The following ZZZ3 variants were observed in gnomAD, a reference collection of about 807,000 sequenced individuals.
The protein encoded by ZZZ3 is ZZ-type zinc finger-containing protein 3.
ZZZ3 carries 22 observed loss-of-function variants against 95.2 expected under a neutral mutation model. That is an observed-to-expected ratio of 0.23 (90% CI 0.17 to 0.33). ZZZ3 has a LOEUF of 0.33. Ranked by LOEUF, ZZZ3 falls within the 10% of genes least tolerant of loss-of-function variation. The pLI, the probability that ZZZ3 is intolerant of heterozygous loss-of-function variation, is 1.00. For synonymous variants in ZZZ3, 335 were observed against 358.9 expected (o/e 0.93, Z 0.75); for missense variants, 885 against 1,066.5 (o/e 0.83, Z 2.37).
At chr1:77,649,610 T>C (rs1047582295) in intron 1 of ZZZ3, among the ~76,000 whole-genome samples, 3 of 152,122 alleles carry the variant, frequency 2.0e-5, no homozygotes, top group Non-Finnish European at 4.4e-5. Flanking sequence ...TGGCCGGGCA[T>C]GGTGGCTCAT....
At chr1:77,673,655 G>T (rs1570673099) in intron 1 of ZZZ3, among the ~76,000 whole-genome samples, 1 of 152,262 alleles carries the variant, frequency 6.6e-6, no homozygotes, top group East Asian at 1.9e-4. Flanking sequence ...GGGTTAATAA[G>T]CAGGTAAGTC....
intron 1 of ZZZ3, among the ~76,000 whole-genome samples, chr1:77,673,159 A>G (rs1671940184): frequency 6.6e-6 from 1 of 152,248 alleles, no homozygotes; most frequent in Non-Finnish European, 1.5e-5. Context: ...TAAGCATATC[A>G]TCCAGGCATA....
intron 5 of ZZZ3, among the ~76,000 whole-genome samples, chr1:77,602,660 C>T (rs1664847347): frequency 7.5e-6 from 1 of 133,692 alleles, no homozygotes; most frequent in Admixed American, 9.0e-5. Flanking sequence ...GGCTGAAGTG[C>T]AATGGCGTGA....
chr1:77,652,329 A>G (rs1159857130), intron 1 of ZZZ3, among the ~76,000 whole-genome samples: 1 of 152,256 alleles, frequency 6.6e-6, no homozygotes, highest in Non-Finnish European at 1.5e-5. Context: ...ACAAATAGCC[A>G]ATAAGCACAT....
chr1:77,655,548 T>C (rs1457416928), intron 1 of ZZZ3, among the ~76,000 whole-genome samples: 1 of 152,166 alleles, frequency 6.6e-6, no homozygotes, highest in Non-Finnish European at 1.5e-5. Context: ...GAGAAATAAA[T>C]GGCTGTTGTT....
At chr1:77,627,739 C>T (rs1432650501) in intron 5 of ZZZ3, among the ~76,000 whole-genome samples, 1 of 152,144 alleles carries the variant, frequency 6.6e-6, no homozygotes, top group Non-Finnish European at 1.5e-5. Flanking sequence ...GGTTCATTAT[C>T]TAGAAACTTA....
chr1:77,584,606 G>C lies in ZZZ3; in HGVS notation c.1555C>G (p.Gln519Glu). 4 of 1,612,338 alleles carry C rather than the reference G, an allele frequency of 2.5e-6. No individual in the cohort carries two copies. The highest frequency in any genetic ancestry group is 3.4e-6 in the Non-Finnish European group (4 of 1,179,338). ...TIAVLEAQRS[Q>E]AVQDLESLGR... The stretch of plus-strand genomic sequence containing the variant: ...AAACTTTCAAGGTCTTGGACTGCTT[G>C]AGAACGCTGAGCCTCGAGTACAGCA... The change falls in exon 6 of 15, where the codon CAA becomes GAA. Residue 519 changes from glutamine (Q) to glutamate (E), a missense_variant. This residue lies in a region of ZZZ3 where 556 missense variants were observed against 652.9 expected (regional missense o/e 0.85). Coordinates refer to ENST00000370801, the MANE Select transcript of ZZZ3 (RefSeq NM_015534.6).
At chr1:77,576,000 A>G in intron 12 of ZZZ3, 68 bp downstream of exon 12, 1 of 1,247,134 alleles carries the variant, frequency 8.0e-7, no homozygotes. Context: ...TGAAGAGTGG[A>G]AATAATTAGA....
At chr1:77,576,464 T>A (rs1661958968) in intron 11 of ZZZ3, among the ~76,000 whole-genome samples, 2 of 152,108 alleles carry the variant, frequency 1.3e-5, no homozygotes, top group South Asian at 4.2e-4. Context: ...ATGTTTAATA[T>A]CTAGCTTATA....
chr1:77,609,533 G>A (rs959115350), intron 5 of ZZZ3, among the ~76,000 whole-genome samples: 7 of 152,020 alleles, frequency 4.6e-5, no homozygotes, highest in Non-Finnish European at 7.4e-5. Context: ...ACTATAGACC[G>A]ACCAAATGGA....
In ZZZ3 at chr1:77,576,166, T is replaced by C. The variant is rs1214278720; in HGVS notation, c.2233A>G (p.Thr745Ala). 6.2e-7 allele frequency: 1 copy of C among 1,613,412 alleles called. No individual in the cohort carries two copies. Among genetic ancestry groups the C allele is most frequent in the African/African-American group, 1.3e-5 (1 of 74,868 alleles). ...GGCGGTTCATGTGAAGTCATGAAAGTGGAAGGCTTAAAGAGATGCTTATTA... is the reference window on the plus strand; with the variant it reads ...GGCGGTTCATGTGAAGTCATGAAAGCGGAAGGCTTAAAGAGATGCTTATTA... ...PLNKHLFKPS[T>A]FMTSHEPPVY... is the part of the protein sequence containing the mutation. The change falls in exon 12 of 15, where the codon ACT (threonine) becomes GCT (alanine). Residue 745 changes from threonine to alanine, a missense_variant. By Grantham distance (58) the Thr-to-Ala change is moderately conservative. Transcript: ENST00000370801.
rs569199015 is a variant in ZZZ3, at chr1:77,669,932, A to C, written c.-403+12653T>G. ...GTAAAAGAGATCATTTTGGTGTGACAGAAATGTTCTAAAACGGGATTGAGG... is the reference window on the plus strand; with the variant it reads ...GTAAAAGAGATCATTTTGGTGTGACCGAAATGTTCTAAAACGGGATTGAGG... On this transcript the variant is annotated intron_variant, in intron 1 of 14. Coordinates refer to ENST00000370801, the MANE Select transcript of ZZZ3 (RefSeq NM_015534.6). Among the ~76,000 whole-genome samples, 438 of 152,302 alleles carry C rather than the reference A, an allele frequency of 2.9e-3. 3 individuals are homozygous for C. Among genetic ancestry groups the C allele is most frequent in the African/African-American group, 0.01 (420 of 41,560 alleles).
At position 77,563,897 on chromosome 1, in the gene ZZZ3, T is replaced by C. The variant is rs1660615586; in HGVS notation, c.*1743A>G. The C allele has an allele frequency of 6.6e-6, 1 of 152,086 alleles. No individual in the cohort carries two copies. Among genetic ancestry groups the C allele is most frequent in the Non-Finnish European group, 1.5e-5 (1 of 67,998 alleles). The allele number at this position is 152,086 out of a possible 1,614,324, so 9.4% of individuals were successfully genotyped here. On this transcript the variant is annotated 3_prime_UTR_variant, in exon 15 of 15. Transcript: ENST00000370801. ...TAATCAATATATTACTTTAAAATTC[T>C]CATATTTCTATATTTAAAATTCTAT...
intron 5 of ZZZ3, among the ~76,000 whole-genome samples, chr1:77,590,507 G>C (rs1251488171): frequency 1.3e-5 from 2 of 152,232 alleles, no homozygotes; most frequent in East Asian, 1.9e-4. Context: ...AGGAGGAGCT[G>C]CAATAGAACC....
intron 5 of ZZZ3, among the ~76,000 whole-genome samples, chr1:77,593,608 AGAC>A (rs1436613470): frequency 6.6e-6 from 1 of 152,200 alleles, no homozygotes; most frequent in Non-Finnish European, 1.5e-5. Flanking sequence ...TATTCCTAGG[AGAC>A]TTGTAAAGTG....
At chr1:77,587,865 A>G (rs1490651667) in intron 5 of ZZZ3, among the ~76,000 whole-genome samples, 1 of 152,194 alleles carries the variant, frequency 6.6e-6, no homozygotes, top group Non-Finnish European at 1.5e-5. Context: ...CGTGAGGACA[A>G]TGAGGGTGAA....
chr1:77,596,208 A>G (rs1003472191), intron 5 of ZZZ3, among the ~76,000 whole-genome samples: 1 of 152,146 alleles, frequency 6.6e-6, no homozygotes, highest in Non-Finnish European at 1.5e-5. Context: ...ATTCTAAATC[A>G]ATGTTTCTAA....
chr1:77,663,009 G>A (rs144755111), intron 1 of ZZZ3, among the ~76,000 whole-genome samples: 30 of 152,112 alleles, frequency 2.0e-4, no homozygotes, highest in African/African-American at 5.5e-4. Flanking sequence ...GGAGGCTGAC[G>A]TGAAAAGATT....
intron 1 of ZZZ3, among the ~76,000 whole-genome samples, chr1:77,655,070 C>G (rs1009398508): frequency 6.6e-6 from 1 of 152,196 alleles, no homozygotes; most frequent in African/African-American, 2.4e-5. Context: ...CAGAGCATCA[C>G]AAGGTGAGAA....
Sources: gnomAD v4.1 joint callset for allele counts (sites outside exome capture counted in the v4.1 genomes callset) on GRCh38, gnomAD v4.1.1 for gene constraint, gnomAD v4.1.1 regional missense constraint, MANE v1.5 for transcripts, NCBI Gene and HGNC (gene_info 2026-07-23, HGNC 2026-07-21) for gene names.